Variants in PRLR observed in about 807,000 individuals in gnomAD.
The protein encoded by PRLR is hPRL receptor.
PRLR carries 13 observed loss-of-function variants against 40.2 expected under a neutral mutation model. The observed-to-expected ratio is 0.32, with a 90% CI of 0.21 to 0.51. The LOEUF is 0.51. Ranked by LOEUF, PRLR falls within the 20% of genes least tolerant of loss-of-function variation. PRLR has a pLI of 0.97. For missense variants in PRLR, 656 were observed against 747.3 expected (o/e 0.88, Z 1.42); for synonymous variants, 269 against 278.7 (o/e 0.97, Z 0.35).
chr5:35,229,703 A>G (rs1348914004), intron 1 of PRLR, among the ~76,000 whole-genome samples: 1 of 151,664 alleles, frequency 6.6e-6, no homozygotes, highest in Non-Finnish European at 1.5e-5. Flanking sequence ...TTTTGGGAGG[A>G]GCAACACCTT....
At chr5:35,166,681 G>A (rs1774842983) in intron 1 of PRLR, among the ~76,000 whole-genome samples, 1 of 152,220 alleles carries the variant, frequency 6.6e-6, no homozygotes. Context: ...CACAAAAAAT[G>A]AGGGTAGACT....
intron 1 of PRLR, among the ~76,000 whole-genome samples, chr5:35,204,261 A>G (rs1158834458): frequency 6.6e-6 from 1 of 151,902 alleles, no homozygotes; most frequent in South Asian, 2.1e-4. Flanking sequence ...ATAAAAACAC[A>G]CACAAGAAGA....
At chr5:35,184,986 C>A (rs2111988221) in intron 1 of PRLR, among the ~76,000 whole-genome samples, 1 of 152,298 alleles carries the variant, frequency 6.6e-6, no homozygotes, top group African/African-American at 2.4e-5. Flanking sequence ...ATTATAGCAA[C>A]AAAGGAAAGT....
chr5:35,194,494 C>T (rs1215238063), intron 1 of PRLR, among the ~76,000 whole-genome samples: 1 of 152,220 alleles, frequency 6.6e-6, no homozygotes, highest in East Asian at 1.9e-4. Flanking sequence ...TTCATCCACC[C>T]TTTCCATTGC....
At chr5:35,202,372 T>C (rs1187593387) in intron 1 of PRLR, among the ~76,000 whole-genome samples, 2 of 152,168 alleles carry the variant, frequency 1.3e-5, no homozygotes, top group African/African-American at 4.8e-5. Flanking sequence ...CCAACCTACA[T>C]TTTCAGCCAT....
At position 35,049,919 on chromosome 5, in the gene PRLR, T is replaced by G. The variant is rs1341582270; in HGVS notation, c.1010-511A>C. On this transcript the variant is annotated intron_variant, in intron 8 of 8. Coordinates refer to the PRLR transcript ENST00000231423. ...AACTACATTCTTTTTTTTTTTTTTT[T>G]TTTTTGAGACAGAGTTTCGCACTTG... 6.0e-5 allele frequency among the ~76,000 whole-genome samples: 9 copies of G among 150,596 alleles called. No homozygotes were observed. The South Asian group carries it at 1.9e-3, about 32-fold the overall frequency.
Position 35,061,741 on chromosome 5 carries a change from C to T in PRLR, c.*3348G>A, listed in dbSNP as rs1177486869. The T allele has an allele frequency of 6.6e-6, 1 of 152,086 alleles. No homozygotes were observed. The highest frequency in any genetic ancestry group is 1.5e-5 in the Non-Finnish European group (1 of 68,012). The allele number at this position is 152,086 out of a possible 1,614,324, so 9.4% of individuals were successfully genotyped here. A position where few individuals can be genotyped will look rare whatever the true frequency, so the allele number is the denominator to read the frequency against. On this transcript the variant is annotated 3_prime_UTR_variant, in exon 10 of 10. Transcript: ENST00000618457. ...GATTCAGTTTCCATGCGCCTTAAAA[C>T]TTGAATATTTAGGTATTTGTTTATA...
chr5:35,189,938 T>A (rs951627829), intron 1 of PRLR, among the ~76,000 whole-genome samples: 1 of 152,138 alleles, frequency 6.6e-6, no homozygotes, highest in African/African-American at 2.4e-5. Context: ...AGAGTAGACA[T>A]CCTGCTTCCC....
chr5:35,214,141 C>T (rs1776231427), intron 1 of PRLR, among the ~76,000 whole-genome samples: 1 of 152,182 alleles, frequency 6.6e-6, no homozygotes, highest in Non-Finnish European at 1.5e-5. Context: ...TTGTACACTG[C>T]CCAGCTGGCT....
chr5:35,111,920 C>T (rs560005742), intron 2 of PRLR, among the ~76,000 whole-genome samples: 56 of 152,234 alleles, frequency 3.7e-4, no homozygotes, highest in Middle Eastern at 3.4e-3. Context: ...CTATTACTAT[C>T]GTAATCGAGG....
rs116636186 is a variant in PRLR at position 35,074,999 on chromosome 5, A to G, written c.374-2255T>C. On this transcript the variant is annotated intron_variant, in intron 5 of 9. Coordinates refer to ENST00000618457, the MANE Select transcript of PRLR (RefSeq NM_000949.7). ...ACCAGATGGGGAAAGAGTGACTGTA[A>G]CTATAGTGTACTTGGCATTATGAGT... Among the ~76,000 whole-genome samples the G allele has an allele frequency of 1.8e-3, 280 of 152,054 alleles. 1 individual carries two copies. Among genetic ancestry groups the G allele is most frequent in the African/African-American group, 6.6e-3 (274 of 41,494 alleles).
At chr5:35,116,832 A>G (rs1773052569) in intron 2 of PRLR, among the ~76,000 whole-genome samples, 1 of 152,210 alleles carries the variant, frequency 6.6e-6, no homozygotes, top group African/African-American at 2.4e-5. Context: ...TGTGAACACT[A>G]TAAATTTCAG....
chr5:35,189,457 T>C (rs1775539526), intron 1 of PRLR, among the ~76,000 whole-genome samples: 1 of 152,128 alleles, frequency 6.6e-6, no homozygotes, highest in Non-Finnish European at 1.5e-5. Flanking sequence ...GGTGCATGCC[T>C]GTATTCCCAG....
chr5:35,141,484 G>A (rs368038044), intron 1 of PRLR, among the ~76,000 whole-genome samples: 1 of 152,130 alleles, frequency 6.6e-6, no homozygotes, highest in Non-Finnish European at 1.5e-5. Context: ...AAAGACTGAG[G>A]CTGAGCAAAG....
At chr5:35,112,862 G>C (rs74711545) in intron 2 of PRLR, among the ~76,000 whole-genome samples, 1 of 151,898 alleles carries the variant, frequency 6.6e-6, no homozygotes, top group Non-Finnish European at 1.5e-5. Flanking sequence ...CTTCCCTCAG[G>C]AGCCCTTTCT....
rs150806946 is a variant in PRLR, at chr5:35,189,903, C to T, written c.-106+40365G>A. 1.9e-3 allele frequency among the ~76,000 whole-genome samples: 292 copies of T among 152,270 alleles called. 2 individuals are homozygous for T. Among genetic ancestry groups the T allele is most frequent in the African/African-American group, 6.4e-3 (267 of 41,542 alleles). On this transcript the variant is annotated intron_variant, in intron 1 of 9. Coordinates refer to ENST00000618457, the MANE Select transcript of PRLR (RefSeq NM_000949.7). ...AAAGGTCAAACCACTTGTCTAAAGCCGCACAGCTTTGGGGCAGCAGGATCA... is the reference window on the plus strand; with the variant it reads ...AAAGGTCAAACCACTTGTCTAAAGCTGCACAGCTTTGGGGCAGCAGGATCA...
intron 1 of PRLR, among the ~76,000 whole-genome samples, chr5:35,166,392 C>A (rs1176070838): frequency 2.0e-5 from 3 of 152,084 alleles, no homozygotes; most frequent in Non-Finnish European, 4.4e-5. Context: ...TAACAATGTA[C>A]ACAAAAGACA....
chr5:35,052,230 T>C (rs896430959), downstream of PRLR, among the ~76,000 whole-genome samples: 1 of 152,144 alleles, frequency 6.6e-6, no homozygotes, highest in Non-Finnish European at 1.5e-5. Context: ...TTTGCAAAAA[T>C]ACTTCATGTA....
At chr5:35,148,599 A>G (rs1265125624) in intron 1 of PRLR, among the ~76,000 whole-genome samples, 2 of 152,194 alleles carry the variant, frequency 1.3e-5, no homozygotes. Flanking sequence ...TCTGTAAGAG[A>G]AGAATAACAG....
Sources: allele counts gnomAD v4.1 joint callset (sites outside exome capture counted in the v4.1 genomes callset), GRCh38; gene constraint gnomAD v4.1.1; transcripts MANE v1.5; gene names NCBI Gene and HGNC (gene_info 2026-07-23, HGNC 2026-07-21).